Variants in CFAP54 observed in about 807,000 individuals in gnomAD.
CFAP54 encodes the protein cilia and flagella associated protein 54.
CFAP54 carries 290 observed loss-of-function variants against 370.4 expected under a neutral mutation model. The observed-to-expected ratio is 0.78, with a 90% confidence interval of 0.71 to 0.86. The LOEUF is 0.86. CFAP54 is among the 40% of genes least tolerant of loss of function. The pLI, the probability that CFAP54 is intolerant of heterozygous loss-of-function variation, is 0.00. For missense variants in CFAP54, 3,399 were observed against 3,528.7 expected, an observed-to-expected ratio of 0.96 and a Z score of 0.93; for synonymous variants, 1,206 against 1,236.5, an observed-to-expected ratio of 0.98 and a Z score of 0.52.
chr12:96,782,136 A>G (rs1592758428), intron 60 of CFAP54, among the ~76,000 whole-genome samples: 1 of 152,126 alleles, frequency 6.6e-6, no homozygotes, highest in Non-Finnish European at 1.5e-5. Context: ...AATAAAATTC[A>G]ACAACCATTT....
At chr12:96,660,552 C>T (rs1177583630) in intron 38 of CFAP54, among the ~76,000 whole-genome samples, 1 of 152,098 alleles carries the variant, frequency 6.6e-6, no homozygotes, top group African/African-American at 2.4e-5. Context: ...AAGAGCAAAA[C>T]TAGTAAGACA....
chr12:96,580,639 T>C lies in CFAP54; in HGVS notation c.2839T>C (p.Tyr947His). Residue 947 changes from tyrosine (Y) to histidine (H), a missense_variant, in exon 21 of 68, where the codon TAT becomes CAT. Physicochemically the swap from Tyr to His is moderately conservative, Grantham distance 83. Around this residue, in one of 3 missense-constraint regions of CFAP54, gnomAD observed 2,796 missense variants for 2,869.7 expected, o/e 0.97. Transcript: ENST00000524981. ...CILGCKAEGSYGKVRLNNNHL... is the reference protein window; with the variant it reads ...CILGCKAEGSHGKVRLNNNHL... ...TTTGGGTTGCAAAGCAGAAGGAAGT[T>C]ATGGAAAAGTACGGCTAAACAATAA... 2 of 1,527,892 alleles carry C rather than the reference T, an allele frequency of 1.3e-6. No homozygotes were observed. Among genetic ancestry groups the C allele is most frequent in the Non-Finnish European group, 1.8e-6 (2 of 1,142,740 alleles). The allele number at this position is 1,527,892 out of a possible 1,614,324, so 94.6% of individuals were successfully genotyped here.
At chr12:96,670,893 G>A (rs766469445) in intron 39 of CFAP54, among the ~76,000 whole-genome samples, 1 of 152,220 alleles carries the variant, frequency 6.6e-6, no homozygotes, top group African/African-American at 2.4e-5. Context: ...CAATTCAGAT[G>A]TCTGACTAAT....
intron 3 of CFAP54, among the ~76,000 whole-genome samples, chr12:96,504,621 C>T (rs1955070607): frequency 6.6e-6 from 1 of 152,122 alleles, no homozygotes. Flanking sequence ...TTTATTAGCC[C>T]ACTTAAAGCA....
chr12:96,651,475 A>G (rs1956856845), intron 35 of CFAP54, 113 bp from the exon 36 acceptor site: 1 of 801,452 alleles, frequency 1.2e-6, no homozygotes. Flanking sequence ...ACCCTAACAA[A>G]TGATGTTAGT....
chr12:96,743,284 A>G, intron 52 of CFAP54, 118 bp from the exon 53 acceptor site: 1 of 970,992 alleles, frequency 1.0e-6, no homozygotes, highest in South Asian at 1.8e-5. Flanking sequence ...CCATCTTAAT[A>G]TACTCCCCTG....
chr12:96,765,382 C>CTAT, intron 60 of CFAP54, 164 bp downstream of exon 60: 1 of 448,790 alleles, frequency 2.2e-6, no homozygotes, highest in Non-Finnish European at 4.0e-6. Context: ...ATAGAGGGCT[C>CTAT]TTAGCTCACT....
intron 9 of CFAP54, among the ~76,000 whole-genome samples, chr12:96,530,976 C>A (rs1382147249): frequency 2.6e-5 from 4 of 152,176 alleles, no homozygotes; most frequent in Admixed American, 2.6e-4. Flanking sequence ...TGTATACTCT[C>A]TTTTTCTCTA....
intron 36 of CFAP54, among the ~76,000 whole-genome samples, chr12:96,652,850 G>A (rs1956877218): frequency 6.6e-6 from 1 of 152,208 alleles, no homozygotes; most frequent in African/African-American, 2.4e-5. Context: ...AGTCTATATT[G>A]TTAGACAAGA....
intron 32 of CFAP54, among the ~76,000 whole-genome samples, chr12:96,630,909 T>C (rs1956601027): frequency 6.6e-6 from 1 of 151,970 alleles, no homozygotes; most frequent in South Asian, 2.1e-4. Flanking sequence ...GTGGTGGCAA[T>C]AGTTTAGATA....
chr12:96,772,654 A>AT (rs1958475226), intron 60 of CFAP54, among the ~76,000 whole-genome samples: 1 of 135,272 alleles, frequency 7.4e-6, no homozygotes, highest in Non-Finnish European at 1.5e-5. Flanking sequence ...GTGCAATGGC[A>AT]TACTGCCCAG....
chr12:96,489,686 C>T lies in CFAP54; in HGVS notation c.77C>T (p.Pro26Leu). Residue 26 changes from proline (P) to leucine (L), a missense_variant, in exon 1 of 68, where the codon CCG (proline) becomes CTG (leucine). Physicochemically the swap from Pro to Leu is moderately conservative, Grantham distance 98. This residue lies in a region of CFAP54 where 559 missense variants were observed against 576.7 expected (regional missense o/e 0.97). Transcript: ENST00000524981. The stretch of plus-strand genomic sequence containing the variant: ...TCGGGGTCTCTGCCAGAACTGCCGC[C>T]GACCTCCACCGCGACTTCGAGGTCG... Reference protein sequence around the residue: ...TTSGSLPELPPTSTATSRSPP... With the variant: ...TTSGSLPELPLTSTATSRSPP... 5.9e-6 allele frequency: 9 copies of T among 1,535,868 alleles called. No homozygotes were observed. Among genetic ancestry groups the T allele is most frequent in the Non-Finnish European group, 7.8e-6 (9 of 1,146,720 alleles).
At chr12:96,613,529 C>G (rs1956382570) in intron 26 of CFAP54, among the ~76,000 whole-genome samples, 2 of 152,050 alleles carry the variant, frequency 1.3e-5, no homozygotes, top group Admixed American at 1.3e-4. Flanking sequence ...CAGAGTAGAA[C>G]TGAAGGAGAT....
At chr12:96,510,963 C>CAAAAA (rs11479059) in intron 4 of CFAP54, among the ~76,000 whole-genome samples, 2 of 103,716 alleles carry the variant, frequency 1.9e-5, no homozygotes, top group Non-Finnish European at 4.1e-5. Context: ...ACTCTTATCT[C>CAAAAA]AAAAAAAAAA....
At chr12:96,558,845 A>C (rs1319692205) in intron 17 of CFAP54, among the ~76,000 whole-genome samples, 1 of 152,184 alleles carries the variant, frequency 6.6e-6, no homozygotes, top group African/African-American at 2.4e-5. Context: ...AATACCCCTT[A>C]AGAACAGGCA....
chr12:96,495,414 C>T (rs1249816204), intron 1 of CFAP54, among the ~76,000 whole-genome samples: 4 of 151,676 alleles, frequency 2.6e-5, no homozygotes, highest in Non-Finnish European at 5.9e-5. Flanking sequence ...TGCAGTCAAT[C>T]AGACAATTCA....
intron 66 of CFAP54, among the ~76,000 whole-genome samples, chr12:96,849,545 C>T (rs1188383575): frequency 2.6e-5 from 4 of 152,174 alleles, no homozygotes; most frequent in Non-Finnish European, 5.9e-5. Flanking sequence ...TTGAAGACTA[C>T]ATGATTTTCC....
chr12:96,840,052 C>T (rs1020630283), intron 66 of CFAP54, among the ~76,000 whole-genome samples: 1 of 152,184 alleles, frequency 6.6e-6, no homozygotes, highest in Non-Finnish European at 1.5e-5. Context: ...AGACTCTACT[C>T]CTTCACTGGA....
At chr12:96,626,769 T>C in intron 29 of CFAP54, 44 bp from the exon 30 acceptor site, 2 of 1,128,182 alleles carry the variant, frequency 1.8e-6, no homozygotes, top group Admixed American at 3.4e-5. Flanking sequence ...GTACTAATAA[T>C]TGAGTATATT....
Sources: allele counts gnomAD v4.1 joint callset (sites outside exome capture counted in the v4.1 genomes callset), GRCh38; gene constraint gnomAD v4.1.1; regional missense constraint gnomAD v4.1.1; transcripts MANE v1.5; gene names NCBI Gene and HGNC (gene_info 2026-07-23, HGNC 2026-07-21).